The following TDRD12 variants were observed in gnomAD, a reference collection of about 807,000 sequenced individuals.
TDRD12 encodes the protein putative ATP-dependent RNA helicase TDRD12.
A neutral mutation model predicts 133.5 loss-of-function variants in TDRD12; 158 were observed. That is an observed-to-expected ratio of 1.18 (90% CI 1.04 to 1.35). The LOEUF is 1.35. TDRD12 is among the 40% of genes most tolerant of loss of function. The pLI, the probability that TDRD12 is intolerant of heterozygous loss-of-function variation, is 0.00. For synonymous variants in TDRD12, 460 were observed against 477.9 expected, an observed-to-expected ratio of 0.96 and a Z score of 0.49; for missense variants, 1,443 against 1,321.3, an observed-to-expected ratio of 1.09 and a Z score of -1.43.
At chr19:32,788,112 C>CTT in intron 11 of TDRD12, among the ~76,000 whole-genome samples, 1 of 149,126 alleles carries the variant, frequency 6.7e-6, no homozygotes, top group South Asian at 2.1e-4. Flanking sequence ...TTTTGCTTTA[C>CTT]TTTTTTTTTT....
downstream of TDRD12, among the ~76,000 whole-genome samples, chr19:32,824,739 A>AC (rs1438768228): frequency 8.2e-6 from 1 of 122,156 alleles, no homozygotes; most frequent in African/African-American, 3.2e-5. Flanking sequence ...GTCCTGCCCC[A>AC]CCCCCCGCCG....
chr19:32,818,258 G>A, intron 27 of TDRD12, 101 bp downstream of exon 27: 1 of 622,662 alleles, frequency 1.6e-6, no homozygotes, highest in African/African-American at 1.8e-5. Context: ...AGTCTCCACG[G>A]GCCGAGGGAA....
At chr19:32,774,213 G>A (rs1970517769) in intron 10 of TDRD12, among the ~76,000 whole-genome samples, 1 of 152,182 alleles carries the variant, frequency 6.6e-6, no homozygotes, top group African/African-American at 2.4e-5. Flanking sequence ...TGCTGTGGTT[G>A]TCATATGTTG....
At chr19:32,823,142 G>A (rs991927326), downstream of TDRD12, among the ~76,000 whole-genome samples, 2 of 152,142 alleles carry the variant, frequency 1.3e-5, no homozygotes, top group African/African-American at 4.8e-5. Flanking sequence ...ATATGCATCC[G>A]AGACAGTGAA....
At chr19:32,798,476 G>A (rs781432492) in intron 16 of TDRD12, 41 bp downstream of exon 16, 155 of 1,475,364 alleles carry the variant, frequency 1.1e-4, no homozygotes, top group Admixed American at 2.3e-4. Context: ...GAAGAGAGGC[G>A]TGATTAACAT....
chr19:32,733,746 G>A (rs924403018), intron 2 of TDRD12, among the ~76,000 whole-genome samples: 5 of 152,040 alleles, frequency 3.3e-5, no homozygotes, highest in African/African-American at 9.7e-5. Flanking sequence ...TCAGGCACTC[G>A]ATGTGGGGTT....
At chr19:32,726,333 C>G (rs1244248306) in intron 1 of TDRD12, among the ~76,000 whole-genome samples, 2 of 152,196 alleles carry the variant, frequency 1.3e-5, no homozygotes, top group East Asian at 1.9e-4. Context: ...CCCGCCTCAG[C>G]CTCCCAAAGT....
rs1030693815 is a variant in TDRD12 at position 32,748,410 on chromosome 19, A to G, written c.441-66A>G. 18 of 1,479,836 alleles carry G rather than the reference A, an allele frequency of 1.2e-5. No individual in the cohort carries two copies. The African/African-American group carries it at 2.1e-4, about 17-fold the overall frequency. 91.7% of individuals were successfully genotyped at this position (1,479,836 alleles called of 1,614,324 possible). ...GAGAAATGTCCAGTGCATGGTTTAC[A>G]AAATGCTGTTGGTGTGCTAGCCTCA... is the stretch of plus-strand genomic sequence containing the variant. On this transcript the variant is annotated intron_variant, in intron 4 of 27. Coordinates refer to ENST00000444215, the Ensembl canonical transcript of TDRD12.
intron 1 of TDRD12, 89 bp downstream of exon 1, chr19:32,720,185 C>G (rs1475127411): frequency 6.9e-7 from 1 of 1,444,126 alleles, no homozygotes; most frequent in African/African-American, 1.5e-5. Flanking sequence ...CCCACCCCAG[C>G]TCCGCACAGC....
intron 2 of TDRD12, among the ~76,000 whole-genome samples, chr19:32,736,335 G>A (rs1452551219): frequency 6.6e-6 from 1 of 152,314 alleles, no homozygotes; most frequent in African/African-American, 2.4e-5. Flanking sequence ...AAGATCACTT[G>A]GGCCCAGGAG....
intron 1 of TDRD12, among the ~76,000 whole-genome samples, chr19:32,722,683 T>A (rs865974554): frequency 6.0e-4 from 89 of 148,808 alleles, no homozygotes; most frequent in Middle Eastern, 3.5e-3. Context: ...AAAAAAATTT[T>A]TTTTTTTTTT....
At chr19:32,749,720 G>A (rs774794045) in intron 5 of TDRD12, 64 bp from the exon 6 acceptor site, 48 of 1,290,308 alleles carry the variant, frequency 3.7e-5, no homozygotes, top group Admixed American at 2.5e-4. Flanking sequence ...GTGGGAAATC[G>A]TCATGATTGT....
intron 11 of TDRD12, among the ~76,000 whole-genome samples, chr19:32,788,375 A>T (rs1486105540): frequency 2.0e-5 from 3 of 152,020 alleles, no homozygotes; most frequent in Non-Finnish European, 4.4e-5. Flanking sequence ...GCCTCCCAAA[A>T]GGCTGGGATT....
chr19:32,808,216 T>C (rs1404732412), intron 22 of TDRD12, among the ~76,000 whole-genome samples: 1 of 152,230 alleles, frequency 6.6e-6, no homozygotes. Context: ...TTTATTAATT[T>C]ATTCATTTCT....
At chr19:32,756,113 A>G (rs1969983445) in exon 7 of TDRD12, 3 of 1,480,804 alleles carry the variant, frequency 2.0e-6, no homozygotes, top group Non-Finnish European at 2.7e-6. Flanking sequence ...CCCTCCTTCA[A>G]TAAACTCAAT....
downstream of TDRD12, among the ~76,000 whole-genome samples, chr19:32,821,431 C>G (rs1967391980): frequency 6.7e-6 from 1 of 150,200 alleles, no homozygotes; most frequent in South Asian, 2.1e-4. Flanking sequence ...ACACCCACAT[C>G]GAGCTGTTGA....
At chr19:32,734,199 T>A (rs1458239769) in intron 2 of TDRD12, among the ~76,000 whole-genome samples, 1 of 151,408 alleles carries the variant, frequency 6.6e-6, no homozygotes. Context: ...CTGGCCTTTT[T>A]AAAAATTTTT....
intron 11 of TDRD12, among the ~76,000 whole-genome samples, chr19:32,781,204 A>G (rs1013204262): frequency 1.3e-5 from 2 of 152,046 alleles, no homozygotes; most frequent in Non-Finnish European, 1.5e-5. Context: ...CGGCCTCCCA[A>G]GTGCTGGGAT....
exon 25 of TDRD12, chr19:32,813,769 A>G: frequency 6.6e-7 from 1 of 1,525,480 alleles, no homozygotes; most frequent in Non-Finnish European, 8.8e-7. Context: ...GTTTGGATTG[A>G]TCCAATGGTA....
Sources: allele counts gnomAD v4.1 joint callset (sites outside exome capture counted in the v4.1 genomes callset), GRCh38; gene constraint gnomAD v4.1.1; transcripts MANE v1.5; gene names NCBI Gene and HGNC (gene_info 2026-07-23, HGNC 2026-07-21).